Variants in EIF2B3 observed in about 807,000 individuals in gnomAD.
EIF2B3 encodes eukaryotic translation initiation factor 2B subunit gamma, also known as translation initiation factor eIF2B subunit gamma.
In EIF2B3, 20 loss-of-function variants were observed where a neutral mutation model predicts 54.1. The observed-to-expected ratio is 0.37, with a 90% CI of 0.26 to 0.54. The LOEUF is 0.54. Ranked by LOEUF, EIF2B3 falls within the 20% of genes least tolerant of loss-of-function variation. The pLI, the probability that EIF2B3 is intolerant of heterozygous loss-of-function variation, is 0.86. For missense variants in EIF2B3, 448 were observed against 547.8 expected, an observed-to-expected ratio of 0.82 and a Z score of 1.82; for synonymous variants, 153 against 188.1, an observed-to-expected ratio of 0.81 and a Z score of 1.52.
rs375672265 is a variant in EIF2B3, at chr1:44,871,419, C to T, written c.1202+3259G>A. Among the ~76,000 whole-genome samples the T allele has an allele frequency of 2.6e-5, 4 of 152,318 alleles. No homozygotes were observed. In the East Asian group the frequency reaches 7.7e-4, roughly 29 times the overall value. ...CTGAAATGCTAATTTAATCATGCTG[C>T]TCTTTTGCTTTAAGCTCTTAAATTA... On this transcript the variant is annotated intron_variant, in intron 10 of 11. Transcript: ENST00000360403.
intron 3 of EIF2B3, among the ~76,000 whole-genome samples, chr1:44,964,067 A>G (rs441876): frequency 0.18 from 26,596 of 150,956 alleles, 2,440 homozygotes; most frequent in African/African-American, 0.19. Context: ...TTGTAGATAC[A>G]TATACTAGGT....
chr1:44,867,816 T>C (rs1194249920), intron 10 of EIF2B3, among the ~76,000 whole-genome samples: 4 of 151,178 alleles, frequency 2.6e-5, no homozygotes, highest in African/African-American at 9.7e-5. Flanking sequence ...TCAACTTTTT[T>C]ATTTTTAAAA....
At chr1:44,982,276 CAGT>C (rs1426004934) in intron 1 of EIF2B3, among the ~76,000 whole-genome samples, 2 of 152,122 alleles carry the variant, frequency 1.3e-5, no homozygotes, top group African/African-American at 4.8e-5. Flanking sequence ...AACAGAGGCA[CAGT>C]AGAAGGTCAT....
chr1:44,961,040 T>TA (rs1207218819), intron 3 of EIF2B3, among the ~76,000 whole-genome samples: 74 of 146,848 alleles, frequency 5.0e-4, no homozygotes, highest in South Asian at 8.6e-4. Context: ...ATGTAGCTGT[T>TA]AAAAAAAAAA....
chr1:44,928,772 T>A (rs1190109908), intron 4 of EIF2B3, among the ~76,000 whole-genome samples: 1 of 152,232 alleles, frequency 6.6e-6, no homozygotes, highest in Non-Finnish European at 1.5e-5. Flanking sequence ...GGCTTCTGAT[T>A]CTTTTCTATC....
chr1:44,970,422 A>C (rs1644388009), intron 3 of EIF2B3, among the ~76,000 whole-genome samples: 2 of 152,254 alleles, frequency 1.3e-5, no homozygotes, highest in African/African-American at 4.8e-5. Flanking sequence ...GAAGTGGGTA[A>C]AGATAAAACC....
chr1:44,968,983 ATAACGGTGGC>A (rs1644372979), intron 3 of EIF2B3, among the ~76,000 whole-genome samples: 1 of 152,232 alleles, frequency 6.6e-6, no homozygotes, highest in Non-Finnish European at 1.5e-5. Context: ...GCTTTGAAAC[ATAACGGTGGC>A]AGATTACTTG....
At chr1:44,946,873 A>C (rs1265687675) in intron 3 of EIF2B3, among the ~76,000 whole-genome samples, 1 of 152,166 alleles carries the variant, frequency 6.6e-6, no homozygotes, top group East Asian at 1.9e-4. Context: ...TGGAGCCCAG[A>C]GAGAGAAAGT....
chr1:44,939,285 C>T (rs960596741), intron 4 of EIF2B3, among the ~76,000 whole-genome samples: 2 of 152,064 alleles, frequency 1.3e-5, no homozygotes, highest in African/African-American at 4.8e-5. Context: ...TCTCTGCCTC[C>T]TATATTCACA....
chr1:44,875,870 A>T (rs1219598203), intron 8 of EIF2B3, among the ~76,000 whole-genome samples, 175 bp from the exon 9 acceptor site: 1 of 152,002 alleles, frequency 6.6e-6, no homozygotes, highest in African/African-American at 2.4e-5. Context: ...ATCTCGGCTC[A>T]CTGCAACCTC....
chr1:44,877,192 T>TTA lies in EIF2B3; in HGVS notation c.976-1498_976-1497insTA, dbSNP rs1553169362. 2.6e-3 allele frequency among the ~76,000 whole-genome samples: 135 copies of TTA among 52,070 alleles called. 3 individuals carry two copies. Among genetic ancestry groups the TTA allele is most frequent in the African/African-American group, 8.3e-3 (93 of 11,206 alleles). 34.2% of individuals were successfully genotyped at this position (52,070 alleles called of 152,430 possible). ...GCGAGAAACACCCAAGAATGATCAA[T>TTA]AAAAAAAAAAAAAAAAAAAAAAAAA... is the stretch of plus-strand genomic sequence containing the variant. On this transcript the variant is annotated intron_variant, in intron 8 of 11. Coordinates refer to ENST00000360403, the MANE Select transcript of EIF2B3 (RefSeq NM_020365.5).
intron 5 of EIF2B3, among the ~76,000 whole-genome samples, chr1:44,925,933 A>G (rs74632457): frequency 1.3e-5 from 2 of 151,562 alleles, no homozygotes; most frequent in East Asian, 1.9e-4. Flanking sequence ...CCAAAAAAAA[A>G]GGCCACTTAG....
chr1:44,913,144 C>T (rs1176817202), intron 5 of EIF2B3, among the ~76,000 whole-genome samples: 5 of 142,466 alleles, frequency 3.5e-5, no homozygotes, highest in South Asian at 2.2e-4. Flanking sequence ...AGGCAAAAAC[C>T]GCAACTACTT....
chr1:44,861,828 C>T (rs1341029091), intron 10 of EIF2B3, among the ~76,000 whole-genome samples: 3 of 152,148 alleles, frequency 2.0e-5, no homozygotes, highest in African/African-American at 7.2e-5. Flanking sequence ...TACCTGAAAA[C>T]AGCTTACTGG....
rs147399552 is a variant in EIF2B3, at chr1:44,878,375, G to A, written c.975+1443C>T. On this transcript the variant is annotated intron_variant, in intron 8 of 11. Coordinates refer to ENST00000360403, the MANE Select transcript of EIF2B3 (RefSeq NM_020365.5). Reference sequence around the variant, plus strand: ...CCTATCAGGTTCAAGCAATTCTCCTGCCTCAGCCTCCTGAGAAGCTGGGAT... The same window carrying A: ...CCTATCAGGTTCAAGCAATTCTCCTACCTCAGCCTCCTGAGAAGCTGGGAT... 2.6e-4 allele frequency among the ~76,000 whole-genome samples: 39 copies of A among 152,206 alleles called. 1 individual carries two copies. The East Asian group carries it at 5.8e-3, about 23-fold the overall frequency.
intron 10 of EIF2B3, among the ~76,000 whole-genome samples, chr1:44,870,319 G>T (rs1159169341): frequency 6.6e-6 from 1 of 152,000 alleles, no homozygotes; most frequent in Non-Finnish European, 1.5e-5. Flanking sequence ...CATACTTGAT[G>T]CCCTACAGGC....
chr1:44,871,922 G>A (rs1176206759), intron 10 of EIF2B3, among the ~76,000 whole-genome samples: 2 of 147,390 alleles, frequency 1.4e-5, no homozygotes, highest in African/African-American at 5.0e-5. Flanking sequence ...TGTCACCTAG[G>A]CTGGAGTGCA....
intron 3 of EIF2B3, among the ~76,000 whole-genome samples, chr1:44,950,425 AAAAC>A (rs962347585): frequency 9.2e-5 from 14 of 152,254 alleles, no homozygotes; most frequent in South Asian, 4.1e-4. Flanking sequence ...GTGTTTCTAA[AAAAC>A]AAACAAACAA....
intron 4 of EIF2B3, chr1:44,937,138 T>C (rs1334424372): frequency 2.0e-5 from 3 of 152,246 alleles, no homozygotes; most frequent in African/African-American, 7.2e-5. Context: ...TAGATCCATA[T>C]TGCTAAAAGC....
Sources: allele counts gnomAD v4.1 joint callset (sites outside exome capture counted in the v4.1 genomes callset), GRCh38; gene constraint gnomAD v4.1.1; transcripts MANE v1.5; gene names NCBI Gene and HGNC (gene_info 2026-07-23, HGNC 2026-07-21).